Variants in NHEJ1 observed in about 807,000 individuals in gnomAD.
NHEJ1 encodes the protein non-homologous end-joining factor 1.
Under a neutral mutation model 39.4 loss-of-function variants are expected in NHEJ1, and 22 were observed. That is an observed-to-expected ratio of 0.56 (90% CI 0.40 to 0.80). The LOEUF is 0.80. NHEJ1 is among the 30% of genes least tolerant of loss of function. The pLI is 0.00. For synonymous variants in NHEJ1, 154 were observed against 135.6 expected (o/e 1.14, Z -0.94); for missense variants, 329 against 357.1 (o/e 0.92, Z 0.63).
At chr2:219,096,327 C>A (rs748643956) in intron 5 of NHEJ1, among the ~76,000 whole-genome samples, 7 of 152,174 alleles carry the variant, frequency 4.6e-5, no homozygotes, top group Non-Finnish European at 8.8e-5. Context: ...TCAATTGACT[C>A]AGATTTTCAG....
At chr2:219,155,344 T>C (rs1057483857) in intron 3 of NHEJ1, among the ~76,000 whole-genome samples, 1 of 152,030 alleles carries the variant, frequency 6.6e-6, no homozygotes, top group African/African-American at 2.4e-5. Flanking sequence ...GCAGGAGGAT[T>C]GCTTGAGGTG....
At chr2:219,160,010 G>A (rs982620735) in intron 1 of NHEJ1, among the ~76,000 whole-genome samples, 2 of 152,110 alleles carry the variant, frequency 1.3e-5, no homozygotes, top group African/African-American at 4.8e-5. Flanking sequence ...CCAGACCCCG[G>A]CTGCCTGCTC....
intron 5 of NHEJ1, among the ~76,000 whole-genome samples, chr2:219,096,140 C>G (rs1187845377): frequency 6.6e-6 from 1 of 152,204 alleles, no homozygotes; most frequent in Non-Finnish European, 1.5e-5. Flanking sequence ...GGACCTATCT[C>G]TTGCTATTTA....
In NHEJ1 at chr2:219,072,687, A is replaced by C. The variant is rs749527100; in HGVS notation, c.*3694T>G. 4.6e-5 allele frequency among the ~76,000 whole-genome samples: 7 copies of C among 152,220 alleles called. No homozygotes were observed. The highest frequency in any genetic ancestry group is 1.0e-4 in the Non-Finnish European group (7 of 68,030). Reference sequence around the variant, plus strand: ...AAAGTGCACAGGAAGTGTGTCTATTAACACAGTCTACATTAACAGCATAAG... The same window carrying C: ...AAAGTGCACAGGAAGTGTGTCTATTCACACAGTCTACATTAACAGCATAAG... On this transcript the variant is annotated 3_prime_UTR_variant, in exon 8 of 8. Transcript: ENST00000356853.
At chr2:219,136,018 T>C (rs1428122589) in intron 5 of NHEJ1, among the ~76,000 whole-genome samples, 5 of 152,174 alleles carry the variant, frequency 3.3e-5, no homozygotes, top group African/African-American at 1.2e-4. Flanking sequence ...CATGATTTCG[T>C]TTTCCACAGG....
rs577023535 is a variant in NHEJ1, at chr2:219,150,841, A to C, written c.391-3046T>G. On this transcript the variant is annotated intron_variant, in intron 3 of 7. Coordinates refer to ENST00000356853, the MANE Select transcript of NHEJ1 (RefSeq NM_024782.3). ...CATGGTGGCGGGTGCCTGTAATTCCAGCTACTCGGGAGGCTGAGACAGAAG... is the reference window on the plus strand; with the variant it reads ...CATGGTGGCGGGTGCCTGTAATTCCCGCTACTCGGGAGGCTGAGACAGAAG... 3.9e-5 allele frequency among the ~76,000 whole-genome samples: 6 copies of C among 152,184 alleles called. No individual in the cohort carries two copies. The East Asian group carries it at 1.2e-3, about 29-fold the overall frequency.
intron 5 of NHEJ1, among the ~76,000 whole-genome samples, chr2:219,098,580 ATTC>A (rs1486279982): frequency 6.6e-6 from 1 of 152,166 alleles, no homozygotes; most frequent in Non-Finnish European, 1.5e-5. Flanking sequence ...TTTCTGACTG[ATTC>A]TTCTTTTTTA....
At chr2:219,115,387 T>C (rs1223168208) in intron 5 of NHEJ1, among the ~76,000 whole-genome samples, 1 of 152,080 alleles carries the variant, frequency 6.6e-6, no homozygotes, top group Non-Finnish European at 1.5e-5. Context: ...AGCCATCCAC[T>C]TGAAAGCTAT....
rs561643150 is a variant in NHEJ1, at chr2:219,101,803, G to A, written c.589-23597C>T. ...TGCAGTGGCGCGATCTCAGCTCACCGCAACTTCTGCCTCCCGGGTTCAAGC... is the reference window on the plus strand; with the variant it reads ...TGCAGTGGCGCGATCTCAGCTCACCACAACTTCTGCCTCCCGGGTTCAAGC... On this transcript the variant is annotated intron_variant, in intron 5 of 7. Coordinates refer to ENST00000356853, the MANE Select transcript of NHEJ1 (RefSeq NM_024782.3). 4.7e-5 allele frequency among the ~76,000 whole-genome samples: 7 copies of A among 148,972 alleles called. No homozygotes were observed. In the South Asian group the frequency reaches 6.4e-4, roughly 14 times the overall value.
At position 219,111,658 on chromosome 2, in the gene NHEJ1, CACACAG is replaced by C. The variant is rs991105692; in HGVS notation, c.589-33458_589-33453del. Among the ~76,000 whole-genome samples, 22 of 150,336 alleles carry C rather than the reference CACACAG, an allele frequency of 1.5e-4. No individual in the cohort carries two copies. Among genetic ancestry groups the C allele is most frequent in the Admixed American group, 2.0e-4 (3 of 15,054 alleles). On this transcript the variant is annotated intron_variant, in intron 5 of 7. Coordinates refer to ENST00000356853, the MANE Select transcript of NHEJ1 (RefSeq NM_024782.3). The surrounding 1 kb of genome is among the most constrained non-coding windows in gnomAD (Gnocchi z 4.1). ...ACACACACACACACACACACACACACACACAGAGAGATACATACAGTCAGTGGGAAA... is the reference window on the plus strand; with the variant it reads ...ACACACACACACACACACACACACACAGAGATACATACAGTCAGTGGGAAA...
intron 5 of NHEJ1, among the ~76,000 whole-genome samples, chr2:219,094,092 G>A (rs909994293): frequency 6.6e-6 from 1 of 152,216 alleles, no homozygotes; most frequent in African/African-American, 2.4e-5. Context: ...CTAGGCTTGA[G>A]TTATCGGCCA....
In NHEJ1 at chr2:219,071,350, G is replaced by C. The variant is rs748339013; in HGVS notation, c.*5031C>G. 2.6e-5 allele frequency among the ~76,000 whole-genome samples: 4 copies of C among 152,302 alleles called. No homozygotes were observed. Among genetic ancestry groups the C allele is most frequent in the East Asian group, 1.9e-4 (1 of 5,180 alleles). On this transcript the variant is annotated 3_prime_UTR_variant, in exon 8 of 8. Coordinates refer to ENST00000356853, the MANE Select transcript of NHEJ1 (RefSeq NM_024782.3). ...TAGGAGGACTCTGGCCCGGGAGAGGGGGGTAGGGGTTAGGCAAACAGGCCA... is the reference window on the plus strand; with the variant it reads ...TAGGAGGACTCTGGCCCGGGAGAGGCGGGTAGGGGTTAGGCAAACAGGCCA...
At chr2:219,088,850 T>C (rs971988013) in intron 5 of NHEJ1, among the ~76,000 whole-genome samples, 1 of 152,228 alleles carries the variant, frequency 6.6e-6, no homozygotes, top group Non-Finnish European at 1.5e-5. Flanking sequence ...TCTCACTCTG[T>C]TACCCAGGCT....
chr2:219,091,902 G>A (rs1949163394), intron 5 of NHEJ1, among the ~76,000 whole-genome samples: 1 of 152,184 alleles, frequency 6.6e-6, no homozygotes, highest in African/African-American at 2.4e-5. Context: ...TGTCCTGAGA[G>A]CAGAATCCGG....
rs925645801 is a variant in NHEJ1, at chr2:219,086,804, G to C, written c.589-8598C>G. Among the ~76,000 whole-genome samples, 6 of 152,118 alleles carry C rather than the reference G, an allele frequency of 3.9e-5. No individual in the cohort carries two copies. The East Asian group carries it at 1.2e-3, about 29-fold the overall frequency. On this transcript the variant is annotated intron_variant, in intron 5 of 7. Transcript: ENST00000356853. ...GTGGCTGCCTCTGAAAGGAGGTTTT[G>C]CTAGACAAGGTGGAACTTCTCAAGG...
intron 5 of NHEJ1, among the ~76,000 whole-genome samples, chr2:219,112,339 GATA>G (rs1949373476): frequency 6.6e-6 from 1 of 152,140 alleles, no homozygotes; most frequent in Admixed American, 6.5e-5. Flanking sequence ...ATAAAATAGG[GATA>G]ATAATACAAA....
At chr2:219,079,415 C>T (rs1320360643) in intron 5 of NHEJ1, among the ~76,000 whole-genome samples, 15 of 152,194 alleles carry the variant, frequency 9.9e-5, no homozygotes, top group Non-Finnish European at 2.2e-4. Context: ...TGAAAGCCCT[C>T]TCATGGGAGA....
At chr2:219,103,322 C>A (rs1670378404) in intron 5 of NHEJ1, among the ~76,000 whole-genome samples, 1 of 151,668 alleles carries the variant, frequency 6.6e-6, no homozygotes, top group Non-Finnish European at 1.5e-5. Flanking sequence ...GTCGCCCAGG[C>A]TGGAATGCAG....
intron 5 of NHEJ1, among the ~76,000 whole-genome samples, chr2:219,146,217 T>C (rs1949737554): frequency 6.6e-6 from 1 of 152,148 alleles, no homozygotes; most frequent in African/African-American, 2.4e-5. Flanking sequence ...ACTGTGATTT[T>C]CCACAACCTA....
Sources: allele counts gnomAD v4.1 joint callset (sites outside exome capture counted in the v4.1 genomes callset), GRCh38; gene constraint gnomAD v4.1.1; non-coding constraint Gnocchi (gnomAD v3.1); transcripts MANE v1.5; gene names NCBI Gene and HGNC (gene_info 2026-07-23, HGNC 2026-07-21).